The following GFPT2 variants were observed in gnomAD, a reference collection of about 807,000 sequenced individuals.
GFPT2 encodes glutamine--fructose-6-phosphate aminotransferase [isomerizing] 2.
Under a neutral mutation model 85.6 loss-of-function variants are expected in GFPT2, and 62 were observed. That is an observed-to-expected ratio of 0.72 (90% CI 0.59 to 0.90). GFPT2 has a LOEUF of 0.90. GFPT2 is among the 40% of genes least tolerant of loss of function. The pLI is 0.00. For synonymous variants in GFPT2, 368 were observed against 344.5 expected (o/e 1.07, Z -0.75); for missense variants, 788 against 893.4 (o/e 0.88, Z 1.50).
intron 1 of GFPT2, 111 bp downstream of exon 1, chr5:180,353,100 G>C (rs1764749131): frequency 1.1e-6 from 1 of 915,618 alleles, no homozygotes; most frequent in Admixed American, 4.4e-5. Context: ...GCAGATCGGC[G>C]CCCCCAGCCA....
chr5:180,328,172 A>G lies in GFPT2; in HGVS notation c.596+105T>C. 2 of 842,592 alleles carry G rather than the reference A, an allele frequency of 2.4e-6. No homozygotes were observed. Among genetic ancestry groups the G allele is most frequent in the Non-Finnish European group, 4.0e-6 (2 of 494,352 alleles). 52.2% of individuals were successfully genotyped at this position (842,592 alleles called of 1,614,324 possible). A position where few individuals can be genotyped will look rare whatever the true frequency, so the allele number is the denominator to read the frequency against. On this transcript the variant is annotated intron_variant, in intron 7 of 18. Coordinates refer to ENST00000253778, the MANE Select transcript of GFPT2 (RefSeq NM_005110.4). This position sits in a 1 kb window ranked among gnomAD's most constrained non-coding sequence, Gnocchi z 5.4. The stretch of plus-strand genomic sequence containing the variant: ...CCACAGTTGTTCTTTAGACACCACG[A>G]GCACCTTTCAGCGTGCCACAGGCCC...
intron 4 of GFPT2, among the ~76,000 whole-genome samples, chr5:180,334,049 T>G (rs1292171965): frequency 1.3e-5 from 2 of 152,190 alleles, no homozygotes; most frequent in Non-Finnish European, 2.9e-5. Flanking sequence ...TCTGGCCAGA[T>G]GTACATTCTA....
chr5:180,341,860 A>G (rs781101963), intron 1 of GFPT2, among the ~76,000 whole-genome samples: 13 of 152,218 alleles, frequency 8.5e-5, no homozygotes, highest in Admixed American at 1.3e-4. Context: ...GACAGCCCCC[A>G]AACATCTGGG....
rs1220505225 is a variant in GFPT2, at chr5:180,343,262, C to T, written c.8-4662G>A. ...GCAGCTCCCCCACCTCCCAGCCACA[C>T]TTCACTCCTGCACACGTCAGGCGAG... On this transcript the variant is annotated intron_variant, in intron 1 of 18. Coordinates refer to ENST00000253778, the MANE Select transcript of GFPT2 (RefSeq NM_005110.4). 5.3e-5 allele frequency among the ~76,000 whole-genome samples: 8 copies of T among 152,244 alleles called. No individual in the cohort carries two copies. The East Asian group carries it at 1.3e-3, about 26-fold the overall frequency.
At chr5:180,325,248 A>G (rs987164047) in intron 7 of GFPT2, among the ~76,000 whole-genome samples, 2 of 152,174 alleles carry the variant, frequency 1.3e-5, no homozygotes, top group Non-Finnish European at 2.9e-5. Flanking sequence ...GGTGGGGCAC[A>G]GGGGCACTCT....
chr5:180,307,334 C>T, intron 15 of GFPT2, 31 bp from the exon 16 acceptor site: 2 of 1,611,636 alleles, frequency 1.2e-6, no homozygotes, highest in Non-Finnish European at 1.7e-6. Context: ...AGGGAGAAAA[C>T]CAGTCAGGCC....
At chr5:180,316,587 G>A (rs903826395) in intron 12 of GFPT2, 126 bp from the exon 13 acceptor site, 59 of 1,099,562 alleles carry the variant, frequency 5.4e-5, no homozygotes, top group Non-Finnish European at 6.7e-5. Context: ...AGGGGACTTC[G>A]GTCACCCACA....
At position 180,344,750 on chromosome 5, in the gene GFPT2, G is replaced by A. The variant is rs111941936; in HGVS notation, c.8-6150C>T. Among the ~76,000 whole-genome samples, 243 of 152,318 alleles carry A rather than the reference G, an allele frequency of 1.6e-3. 1 individual carries two copies. Among genetic ancestry groups the A allele is most frequent in the African/African-American group, 5.2e-3 (215 of 41,584 alleles). ...CACAATGGCCCTTCCCTCTGCAGGG[G>A]ACGCCAGGCCTGCCCTGGCCAGGCC... is the stretch of plus-strand genomic sequence containing the variant. On this transcript the variant is annotated intron_variant, in intron 1 of 18. Coordinates refer to ENST00000253778, the MANE Select transcript of GFPT2 (RefSeq NM_005110.4).
At chr5:180,321,374 T>A (rs1215441283) in intron 9 of GFPT2, among the ~76,000 whole-genome samples, 1 of 152,234 alleles carries the variant, frequency 6.6e-6, no homozygotes, top group Non-Finnish European at 1.5e-5. Context: ...AAATGGGTAG[T>A]CATGTAATCT....
At chr5:180,307,123 G>C (rs1763795959) in intron 16 of GFPT2, 53 bp downstream of exon 16, 1 of 1,469,158 alleles carries the variant, frequency 6.8e-7, no homozygotes. Context: ...TGGCTCCTCA[G>C]GGTCTCCTGT....
At chr5:180,302,869 T>C (rs1367480665) in intron 17 of GFPT2, among the ~76,000 whole-genome samples, 1 of 152,164 alleles carries the variant, frequency 6.6e-6, no homozygotes, top group African/African-American at 2.4e-5. Context: ...GACTCACTCC[T>C]AACTCTAGCG....
rs2127650636 is a variant in GFPT2, at chr5:180,318,736, T to C, written c.958+57A>G. 1 of 1,474,750 alleles carries C rather than the reference T, an allele frequency of 6.8e-7. No individual in the cohort carries two copies. Among genetic ancestry groups the C allele is most frequent in the East Asian group, 2.3e-5 (1 of 43,278 alleles). The allele number at this position is 1,474,750 out of a possible 1,614,324, so 91.4% of individuals were successfully genotyped here. ...TAGGACCAGGCAGAGTGTCAGGAGC[T>C]CCACCAGGCGCGCTGGCTCCCGAGG... On this transcript the variant is annotated intron_variant, in intron 10 of 18. Coordinates refer to ENST00000253778, the MANE Select transcript of GFPT2 (RefSeq NM_005110.4). This position sits in a 1 kb window ranked among gnomAD's most constrained non-coding sequence, Gnocchi z 4.2.
chr5:180,331,089 A>G (rs1419462354), intron 5 of GFPT2, among the ~76,000 whole-genome samples: 1 of 152,216 alleles, frequency 6.6e-6, no homozygotes, highest in Non-Finnish European at 1.5e-5. Context: ...CAGCAGTCAA[A>G]ATGATAAAAT....
chr5:180,313,485 G>A (rs1763936478), intron 14 of GFPT2, among the ~76,000 whole-genome samples: 1 of 151,094 alleles, frequency 6.6e-6, no homozygotes, highest in South Asian at 2.1e-4. Context: ...AGCTACTCGG[G>A]AGGCTGAGGC....
chr5:180,324,390 A>G (rs1559113), intron 8 of GFPT2, 85 bp from the exon 9 acceptor site: 185,105 of 817,518 alleles, frequency 0.23, 22,685 homozygotes, highest in Non-Finnish European at 0.26. Context: ...TCCCCTCTGA[A>G]TATGTGTGGG....
intron 18 of GFPT2, among the ~76,000 whole-genome samples, 188 bp downstream of exon 18, chr5:180,302,235 C>T (rs946059027): frequency 6.7e-6 from 1 of 150,270 alleles, no homozygotes; most frequent in Non-Finnish European, 1.5e-5. Context: ...TGCAGTGAGC[C>T]GAGGTTGTGC....
At chr5:180,317,538 T>C (rs1194585206) in intron 10 of GFPT2, among the ~76,000 whole-genome samples, 1 of 151,208 alleles carries the variant, frequency 6.6e-6, no homozygotes, top group Non-Finnish European at 1.5e-5. Flanking sequence ...GGCGGGCGGA[T>C]CACGAAGTCA....
At chr5:180,322,273 G>A (rs1438760369) in intron 9 of GFPT2, among the ~76,000 whole-genome samples, 13 of 151,400 alleles carry the variant, frequency 8.6e-5, no homozygotes, top group Non-Finnish European at 1.6e-4. Context: ...GACAGCCTGG[G>A]CAACTTAATG....
At position 180,301,300 on chromosome 5, in the gene GFPT2, C is replaced by T. The variant is rs1020976348; in HGVS notation, c.*264G>A. On this transcript the variant is annotated 3_prime_UTR_variant, in exon 19 of 19. Coordinates refer to ENST00000253778, the MANE Select transcript of GFPT2 (RefSeq NM_005110.4). ...AGTTACTCTGAAGAGAGCTGTATCT[C>T]TATTGCACAGTAGTGGAGAAGTCTG... The T allele has an allele frequency of 7.4e-5, 40 of 538,434 alleles. No individual in the cohort carries two copies. The highest frequency in any genetic ancestry group is 1.1e-4 in the Non-Finnish European group (34 of 306,320). The allele number at this position is 538,434 out of a possible 1,614,324, so 33.4% of individuals were successfully genotyped here.
Sources: gnomAD v4.1 joint callset for allele counts (sites outside exome capture counted in the v4.1 genomes callset) on GRCh38, gnomAD v4.1.1 for gene constraint, Gnocchi (gnomAD v3.1) non-coding constraint, MANE v1.5 for transcripts, NCBI Gene and HGNC (gene_info 2026-07-23, HGNC 2026-07-21) for gene names.